The following ADGRL4 variants were observed in gnomAD, a reference collection of about 807,000 sequenced individuals.
ADGRL4 encodes the protein adhesion G protein-coupled receptor L4.
A neutral mutation model predicts 74.8 loss-of-function variants in ADGRL4; 90 were observed. The observed-to-expected ratio is 1.20, with a 90% CI of 1.02 to 1.43. The LOEUF is 1.43. Among genes scored for constraint, ADGRL4 ranks in the 40% most tolerant of loss-of-function variants. The pLI, the probability that ADGRL4 is intolerant of heterozygous loss-of-function variation, is 0.00. For missense variants in ADGRL4, 881 were observed against 814.3 expected, an observed-to-expected ratio of 1.08 and a Z score of -1.00; for synonymous variants, 311 against 279.2, an observed-to-expected ratio of 1.11 and a Z score of -1.14.
chr1:78,962,100 C>G (rs551937181), intron 2 of ADGRL4, among the ~76,000 whole-genome samples: 1 of 152,052 alleles, frequency 6.6e-6, no homozygotes, highest in African/African-American at 2.4e-5. Flanking sequence ...AGGCTGGTCT[C>G]GAACTCCTGA....
At chr1:78,974,955 A>C (rs1250814805) in intron 2 of ADGRL4, among the ~76,000 whole-genome samples, 1 of 152,142 alleles carries the variant, frequency 6.6e-6, no homozygotes, top group Non-Finnish European at 1.5e-5. Flanking sequence ...AGTTTTTGAG[A>C]ATTAAGGAAT....
chr1:78,937,693 C>T lies in ADGRL4; in HGVS notation c.760+114G>A, dbSNP rs188297092. ...ATTCATTTGTACACTGATAAAACTA[C>T]TTTCAATGTAATCAATACTAGTTTC... On this transcript the variant is annotated intron_variant, in intron 6 of 14. Coordinates refer to ENST00000370742, the MANE Select transcript of ADGRL4 (RefSeq NM_022159.4). 5.0e-4 allele frequency: 451 copies of T among 893,184 alleles called. 1 individual carries two copies. The highest frequency in any genetic ancestry group is 1.1e-3 in the Admixed American group (44 of 41,792). The allele number at this position is 893,184 out of a possible 1,614,324, so 55.3% of individuals were successfully genotyped here.
At chr1:78,968,124 T>G (rs1650092451) in intron 2 of ADGRL4, among the ~76,000 whole-genome samples, 2 of 152,144 alleles carry the variant, frequency 1.3e-5, no homozygotes, top group Admixed American at 1.3e-4. Flanking sequence ...TATATGGGAT[T>G]TCTAAGATTC....
intron 2 of ADGRL4, among the ~76,000 whole-genome samples, chr1:78,963,724 T>C (rs992491770): frequency 2.0e-5 from 3 of 152,038 alleles, no homozygotes; most frequent in African/African-American, 7.2e-5. Context: ...TAAAATGAGA[T>C]GAAAATAAAT....
intron 2 of ADGRL4, among the ~76,000 whole-genome samples, chr1:78,984,626 C>G (rs1012742025): frequency 2.0e-5 from 3 of 151,648 alleles, no homozygotes; most frequent in African/African-American, 7.3e-5. Flanking sequence ...GTAGGAGGAA[C>G]AGTAAGACAT....
chr1:78,927,847 G>GT (rs758215348), intron 7 of ADGRL4, among the ~76,000 whole-genome samples: 1 of 152,126 alleles, frequency 6.6e-6, no homozygotes, highest in African/African-American at 2.4e-5. Context: ...TGCTATTTAT[G>GT]TTTTCTCTCT....
rs1650837875 is a variant in ADGRL4, at chr1:79,001,232, AGGG to A, written c.172+3835_172+3837del. On this transcript the variant is annotated intron_variant, in intron 2 of 14. Coordinates refer to ENST00000370742, the MANE Select transcript of ADGRL4 (RefSeq NM_022159.4). ...AAGGGAGGAAGGGAGAGAGGGAGGG[AGGG>A]AGGGAGGGAGGAAGGAAGGTATGAA... 1.6e-4 allele frequency among the ~76,000 whole-genome samples: 7 copies of A among 43,712 alleles called. No individual in the cohort carries two copies. The Admixed American group carries it at 2.0e-3, about 12-fold the overall frequency. 28.7% of individuals were successfully genotyped at this position (43,712 alleles called of 152,430 possible).
chr1:78,919,448 G>T (rs1028938797), intron 10 of ADGRL4, among the ~76,000 whole-genome samples: 5 of 151,872 alleles, frequency 3.3e-5, no homozygotes, highest in Non-Finnish European at 7.4e-5. Context: ...CCCCTGACAG[G>T]TAACGTTGGC....
intron 12 of ADGRL4, among the ~76,000 whole-genome samples, chr1:78,902,490 G>A (rs1648540818): frequency 1.4e-5 from 2 of 147,028 alleles, no homozygotes; most frequent in African/African-American, 5.5e-5. Flanking sequence ...CTTGCCCAAG[G>A]TAATACAATT....
chr1:78,960,070 C>G (rs970548915), intron 2 of ADGRL4, among the ~76,000 whole-genome samples: 6 of 151,766 alleles, frequency 4.0e-5, no homozygotes, highest in African/African-American at 1.5e-4. Flanking sequence ...GTGAAACAGC[C>G]CAAAAAACAC....
chr1:78,968,500 C>CGG (rs1377907295), intron 2 of ADGRL4, among the ~76,000 whole-genome samples: 22 of 5,310 alleles, frequency 4.1e-3, no homozygotes, highest in South Asian at 6.3e-3. Flanking sequence ...GGGTGGAGGG[C>CGG]GGTGGGGGGG....
At chr1:78,935,214 C>CTA (rs1230218667) in intron 7 of ADGRL4, among the ~76,000 whole-genome samples, 1 of 152,122 alleles carries the variant, frequency 6.6e-6, no homozygotes, top group African/African-American at 2.4e-5. Flanking sequence ...CCATGAAAAA[C>CTA]TATGCAGCCA....
chr1:78,992,699 T>C (rs899312735), intron 2 of ADGRL4, among the ~76,000 whole-genome samples: 3 of 152,136 alleles, frequency 2.0e-5, no homozygotes, highest in African/African-American at 4.8e-5. Context: ...TCAATAATCT[T>C]GCCTCAGTGT....
intron 2 of ADGRL4, among the ~76,000 whole-genome samples, chr1:79,002,866 C>T (rs184756260): frequency 3.3e-5 from 5 of 151,934 alleles, no homozygotes; most frequent in Non-Finnish European, 7.4e-5. Context: ...AAATTCACTA[C>T]GATTAAAGCT....
rs568293471 is a variant in ADGRL4, at chr1:78,953,208, A to G, written c.173-6782T>C. 2.0e-4 allele frequency among the ~76,000 whole-genome samples: 31 copies of G among 152,352 alleles called. No individual in the cohort carries two copies. In the South Asian group the frequency reaches 6.2e-3, roughly 31 times the overall value. The stretch of plus-strand genomic sequence containing the variant: ...TTTTTTTCAAACTATCAAAGACTCT[A>G]AAACTTTGTCATTCCATTGTATCTA... On this transcript the variant is annotated intron_variant, in intron 2 of 14. Coordinates refer to ENST00000370742, the MANE Select transcript of ADGRL4 (RefSeq NM_022159.4).
intron 2 of ADGRL4, among the ~76,000 whole-genome samples, chr1:78,977,195 A>G (rs1650303109): frequency 6.6e-6 from 1 of 151,820 alleles, no homozygotes; most frequent in Non-Finnish European, 1.5e-5. Flanking sequence ...ATCAATGCAG[A>G]AAAAGCATTT....
At chr1:78,966,426 T>C (rs1386411105) in intron 2 of ADGRL4, among the ~76,000 whole-genome samples, 1 of 152,146 alleles carries the variant, frequency 6.6e-6, no homozygotes, top group Non-Finnish European at 1.5e-5. Context: ...AAGGAGAAAG[T>C]CCTACAACAG....
intron 2 of ADGRL4, among the ~76,000 whole-genome samples, chr1:78,978,774 G>C (rs887589481): frequency 6.6e-6 from 1 of 151,972 alleles, no homozygotes; most frequent in African/African-American, 2.4e-5. Context: ...GAAGATTGAA[G>C]TCAAGGAGGT....
At chr1:78,940,335 A>G (rs1340605074) in intron 3 of ADGRL4, among the ~76,000 whole-genome samples, 1 of 152,144 alleles carries the variant, frequency 6.6e-6, no homozygotes, top group African/African-American at 2.4e-5. Context: ...CTTTTGTTCA[A>G]GGTTATATTT....
Sources: gnomAD v4.1 joint callset for allele counts (sites outside exome capture counted in the v4.1 genomes callset) on GRCh38, gnomAD v4.1.1 for gene constraint, MANE v1.5 for transcripts, NCBI Gene and HGNC (gene_info 2026-07-23, HGNC 2026-07-21) for gene names.